The following ANKRD45 variants were observed in gnomAD, a reference collection of about 807,000 sequenced individuals.
The protein encoded by ANKRD45 is ankyrin repeat domain-containing protein 45.
In ANKRD45, 21 loss-of-function variants were observed where a neutral mutation model predicts 28.1. That is an observed-to-expected ratio of 0.75 (90% CI 0.53 to 1.08). The LOEUF is 1.08. Ranked by LOEUF, ANKRD45 falls within the 50% of genes least tolerant of loss-of-function variation. ANKRD45 has a pLI of 0.00. For synonymous variants in ANKRD45, 86 were observed against 103.9 expected (o/e 0.83, Z 1.05); for missense variants, 261 against 308.7 (o/e 0.85, Z 1.16).
chr1:173,655,112 G>T (rs528455612), intron 2 of ANKRD45, among the ~76,000 whole-genome samples: 1 of 152,272 alleles, frequency 6.6e-6, no homozygotes, highest in East Asian at 1.9e-4. Flanking sequence ...ACTCATCAAA[G>T]TCATTCTCCG....
intron 1 of ANKRD45, chr1:173,667,705 T>C (rs1031982841): frequency 2.5e-5 from 11 of 432,774 alleles, no homozygotes; most frequent in South Asian, 1.5e-4. Context: ...AGACCCCATC[T>C]TAAAAAAAAA....
chr1:173,616,675 G>A lies in ANKRD45; in HGVS notation c.731-6460C>T, dbSNP rs143605308. Reference sequence around the variant, plus strand: ...TTCTTAGGATAGTATTCCCACAGTAGGTTTTTCCCGAAATATAGAATTATA... The same window carrying A: ...TTCTTAGGATAGTATTCCCACAGTAAGTTTTTCCCGAAATATAGAATTATA... On this transcript the variant is annotated intron_variant, in intron 5 of 5. Coordinates refer to ENST00000333279, the MANE Select transcript of ANKRD45 (RefSeq NM_198493.3). Among the ~76,000 whole-genome samples, 142 of 152,210 alleles carry A rather than the reference G, an allele frequency of 9.3e-4. No individual in the cohort carries two copies. The East Asian group carries it at 0.023, about 25-fold the overall frequency.
chr1:173,706,923 T>TC, the ANKRD45 span, among the ~76,000 whole-genome samples: 1 of 152,148 alleles, frequency 6.6e-6, no homozygotes, highest in East Asian at 1.9e-4. Context: ...AGTGCATTCT[T>TC]CCCCACAGTT....
the ANKRD45 span, among the ~76,000 whole-genome samples, chr1:173,681,154 T>A: frequency 6.6e-6 from 1 of 152,088 alleles, no homozygotes; most frequent in African/African-American, 2.4e-5. Context: ...AGGTGAGATG[T>A]GATAAAAGTT....
intron 3 of ANKRD45, chr1:173,635,536 A>C (rs1668390941): frequency 6.5e-7 from 1 of 1,527,644 alleles, no homozygotes; most frequent in African/African-American, 1.4e-5. Context: ...CTAATCAAAG[A>C]CTACCGCTGA....
the ANKRD45 span, among the ~76,000 whole-genome samples, chr1:173,679,175 T>C: frequency 5.3e-5 from 8 of 152,186 alleles, no homozygotes; most frequent in Non-Finnish European, 1.0e-4. Context: ...TTGACTTTCT[T>C]CACAGAATTG....
chr1:173,685,524 A>G, the ANKRD45 span, among the ~76,000 whole-genome samples: 1 of 152,218 alleles, frequency 6.6e-6, no homozygotes, highest in Non-Finnish European at 1.5e-5. Context: ...CACAAGCATA[A>G]CAATTGCTTT....
At chr1:173,636,524 G>A (rs990483535) in intron 3 of ANKRD45, among the ~76,000 whole-genome samples, 7 of 151,958 alleles carry the variant, frequency 4.6e-5, no homozygotes, top group African/African-American at 9.7e-5. Context: ...TTTCATAAAC[G>A]AATACATTTT....
intron 5 of ANKRD45, among the ~76,000 whole-genome samples, chr1:173,613,862 AT>A (rs1431071305): frequency 6.6e-6 from 1 of 152,224 alleles, no homozygotes; most frequent in Non-Finnish European, 1.5e-5. Flanking sequence ...GAGAAATCAG[AT>A]TGTTGCTGTG....
At chr1:173,620,883 A>G (rs1667671983) in intron 5 of ANKRD45, among the ~76,000 whole-genome samples, 1 of 152,070 alleles carries the variant, frequency 6.6e-6, no homozygotes, top group South Asian at 2.1e-4. Flanking sequence ...GGTTTTTTGG[A>G]AAAAAATTAA....
chr1:173,704,796 A>G, the ANKRD45 span, among the ~76,000 whole-genome samples: 1 of 152,350 alleles, frequency 6.6e-6, no homozygotes, highest in Non-Finnish European at 1.5e-5. Context: ...CTGGAAGCAT[A>G]TTCTGAGATG....
the ANKRD45 span, among the ~76,000 whole-genome samples, chr1:173,713,830 C>G: frequency 2.6e-5 from 4 of 152,082 alleles, no homozygotes; most frequent in Admixed American, 2.0e-4. Context: ...CCAAATGCTC[C>G]AGGAGGCCGA....
the ANKRD45 span, among the ~76,000 whole-genome samples, chr1:173,681,529 A>C: frequency 6.6e-6 from 1 of 152,220 alleles, no homozygotes; most frequent in Non-Finnish European, 1.5e-5. Flanking sequence ...ACATAAATAC[A>C]TAGACGTATT....
intron 1 of ANKRD45, among the ~76,000 whole-genome samples, 173 bp from the exon 2 acceptor site, chr1:173,659,606 C>T (rs1198463098): frequency 6.6e-6 from 1 of 151,924 alleles, no homozygotes; most frequent in Non-Finnish European, 1.5e-5. Flanking sequence ...TATTGTGTAC[C>T]TATTATGAGT....
At chr1:173,629,692 G>A (rs1163711359) in intron 3 of ANKRD45, among the ~76,000 whole-genome samples, 3 of 151,960 alleles carry the variant, frequency 2.0e-5, no homozygotes, top group Non-Finnish European at 4.4e-5. Context: ...AAATCTAAAA[G>A]TTTCTGGCCT....
At chr1:173,666,152 C>T (rs922018876) in intron 1 of ANKRD45, among the ~76,000 whole-genome samples, 1 of 152,176 alleles carries the variant, frequency 6.6e-6, no homozygotes, top group Non-Finnish European at 1.5e-5. Context: ...AGAATTCACT[C>T]TGCCTAATTT....
At chr1:173,677,068 A>T in the ANKRD45 span, among the ~76,000 whole-genome samples, 1 of 152,018 alleles carries the variant, frequency 6.6e-6, no homozygotes, top group African/African-American at 2.4e-5. Flanking sequence ...TTATAATTTG[A>T]TTTTGGAAAG....
At chr1:173,668,261 G>GCTA (rs1471772308) in intron 1 of ANKRD45, among the ~76,000 whole-genome samples, 1 of 152,154 alleles carries the variant, frequency 6.6e-6, no homozygotes, top group Non-Finnish European at 1.5e-5. Context: ...CTACTCAATT[G>GCTA]CTATAGCAGG....
At chr1:173,637,171 A>G in intron 3 of ANKRD45, 1 of 666,246 alleles carries the variant, frequency 1.5e-6, no homozygotes, top group Non-Finnish European at 2.5e-6. Flanking sequence ...TTTCCAAAGA[A>G]GCCTGGGTTG....
Sources: allele counts gnomAD v4.1 joint callset (sites outside exome capture counted in the v4.1 genomes callset), GRCh38; gene constraint gnomAD v4.1.1; transcripts MANE v1.5; gene names NCBI Gene and HGNC (gene_info 2026-07-23, HGNC 2026-07-21).